Variants in SPECC1L observed in about 807,000 individuals in gnomAD.
SPECC1L encodes cytospin-A.
Under a neutral mutation model 116.8 loss-of-function variants are expected in SPECC1L, and 40 were observed. That is an observed-to-expected ratio of 0.34 (90% CI 0.27 to 0.45). SPECC1L has a LOEUF of 0.45. SPECC1L is among the 20% of genes least tolerant of loss of function. The pLI is 1.00. For missense variants in SPECC1L, 1,110 were observed against 1,373.6 expected (o/e 0.81, Z 3.03); for synonymous variants, 504 against 500.6 (o/e 1.01, Z -0.09).
rs375341134 is a variant in SPECC1L, at chr22:24,408,078, A to AAGTGAGTAC, written c.3088-3509_3088-3501dup. On this transcript the variant is annotated intron_variant, in intron 14 of 16. Transcript: ENST00000314328. ...CTGCTGCGGGTGGCTGTGAGAGTGAAAGTGAGTACTGCTCACAGGATGCCT... is the reference window on the plus strand; with the variant it reads ...CTGCTGCGGGTGGCTGTGAGAGTGAAAGTGAGTACAGTGAGTACTGCTCACAGGATGCCT... Among the ~76,000 whole-genome samples the AAGTGAGTAC allele has an allele frequency of 7.7e-3, 1,169 of 152,242 alleles. 14 individuals are homozygous for AAGTGAGTAC. The highest frequency in any genetic ancestry group is 0.026 in the African/African-American group (1,097 of 41,512).
rs866919184 is a variant in SPECC1L at position 24,311,171 on chromosome 22, T to G, written c.154-2142T>G. Among the ~76,000 whole-genome samples, 184 of 152,372 alleles carry G rather than the reference T, an allele frequency of 1.2e-3. 4 individuals carry two copies. Among genetic ancestry groups the G allele is most frequent in the Admixed American group, 0.012 (180 of 15,304 alleles). On this transcript the variant is annotated intron_variant, in intron 3 of 16. Transcript: ENST00000314328. ...CAAAGTTTATGATTTGGTGCCGTTATGTGTATTTAACTTTGTCATTAGCCA... is the reference window on the plus strand; with the variant it reads ...CAAAGTTTATGATTTGGTGCCGTTAGGTGTATTTAACTTTGTCATTAGCCA...
intron 2 of SPECC1L, among the ~76,000 whole-genome samples, chr22:24,293,471 G>A (rs867801578): frequency 1.3e-5 from 2 of 151,836 alleles, no homozygotes; most frequent in African/African-American, 4.8e-5. Flanking sequence ...AAATAAAAGG[G>A]GGGAAAAAGA....
chr22:24,339,337 A>AGGG lies in SPECC1L; in HGVS notation c.2652+862_2652+864dup, dbSNP rs1252428416. Among the ~76,000 whole-genome samples the AGGG allele has an allele frequency of 7.2e-5, 11 of 152,330 alleles. No homozygotes were observed. In the East Asian group the frequency reaches 2.1e-3, roughly 29 times the overall value. ...CAGGGCAGCTGCGATTCAGAGTGGA[A>AGGG]GGGGTGCACAAGGCATGAATTCAGA... On this transcript the variant is annotated intron_variant, in intron 10 of 16. Coordinates refer to ENST00000314328, the MANE Select transcript of SPECC1L (RefSeq NM_015330.6).
intron 14 of SPECC1L, among the ~76,000 whole-genome samples, chr22:24,371,924 TTGGCCAGGC>T (rs1387556374): frequency 1.3e-5 from 2 of 152,234 alleles, no homozygotes; most frequent in Non-Finnish European, 2.9e-5. Flanking sequence ...TTTCGCCATG[TTGGCCAGGC>T]TGGTCTTGAA....
chr22:24,285,854 C>A (rs1484560316), intron 2 of SPECC1L, among the ~76,000 whole-genome samples: 1 of 152,134 alleles, frequency 6.6e-6, no homozygotes, highest in Non-Finnish European at 1.5e-5. Context: ...GTTGGCCAGG[C>A]TAATCTTGAA....
intron 3 of SPECC1L, among the ~76,000 whole-genome samples, chr22:24,309,868 TTTTA>T (rs1486885123): frequency 6.6e-6 from 1 of 152,210 alleles, no homozygotes; most frequent in African/African-American, 2.4e-5. Flanking sequence ...TTTATTTAAA[TTTTA>T]TTTATTTGTT....
chr22:24,294,841 C>T (rs2049227705), intron 2 of SPECC1L, among the ~76,000 whole-genome samples: 2 of 152,294 alleles, frequency 1.3e-5, no homozygotes, highest in Non-Finnish European at 2.9e-5. Flanking sequence ...TCAGGATCCT[C>T]CCACAGTAGA....
chr22:24,354,041 A>G (rs2041477949), intron 11 of SPECC1L, among the ~76,000 whole-genome samples: 1 of 152,188 alleles, frequency 6.6e-6, no homozygotes, highest in South Asian at 2.1e-4. Flanking sequence ...GTGGAAGGCA[A>G]ATCAATAGCA....
chr22:24,308,551 C>G (rs2146426635), intron 3 of SPECC1L, among the ~76,000 whole-genome samples: 1 of 152,356 alleles, frequency 6.6e-6, no homozygotes, highest in Middle Eastern at 3.4e-3. Flanking sequence ...GGGATGTTAA[C>G]TTCCTTTGGC....
chr22:24,284,111 C>T (rs2048996975), intron 2 of SPECC1L, among the ~76,000 whole-genome samples: 1 of 152,000 alleles, frequency 6.6e-6, no homozygotes, highest in South Asian at 2.1e-4. Context: ...TTCTTTTCTT[C>T]TCCATACTTT....
rs544635200 is a variant in SPECC1L, at chr22:24,376,161, A to C, written c.3087+6841A>C. Among the ~76,000 whole-genome samples the C allele has an allele frequency of 2.6e-5, 4 of 152,278 alleles. No homozygotes were observed. In the East Asian group the frequency reaches 5.8e-4, roughly 22 times the overall value. On this transcript the variant is annotated intron_variant, in intron 14 of 16. Coordinates refer to ENST00000314328, the MANE Select transcript of SPECC1L (RefSeq NM_015330.6). ...GGCATCCAGATAGGAAAAAAAGTAA[A>C]ATGATCTCTATTTGCAGATGATGTG...
intron 6 of SPECC1L, among the ~76,000 whole-genome samples, chr22:24,327,584 C>T (rs574516515): frequency 5.3e-4 from 80 of 152,038 alleles, no homozygotes; most frequent in African/African-American, 1.6e-3. Context: ...TACCCAGAAA[C>T]ACTAATGTCT....
intron 10 of SPECC1L, among the ~76,000 whole-genome samples, chr22:24,346,404 G>A (rs2041296660): frequency 6.6e-6 from 1 of 152,230 alleles, no homozygotes; most frequent in South Asian, 2.1e-4. Context: ...AGGCTGTACT[G>A]GGCAGTTGTT....
chr22:24,409,802 A>G (rs1014773124), intron 14 of SPECC1L, among the ~76,000 whole-genome samples: 1 of 152,236 alleles, frequency 6.6e-6, no homozygotes, highest in Non-Finnish European at 1.5e-5. Flanking sequence ...CTGAGGTGAC[A>G]TCGCTTGAGC....
At chr22:24,371,976 C>T (rs1309686572) in intron 14 of SPECC1L, among the ~76,000 whole-genome samples, 3 of 152,188 alleles carry the variant, frequency 2.0e-5, no homozygotes, top group Admixed American at 6.5e-5. Context: ...CTGCCTCAGC[C>T]TCCGAAACTG....
intron 16 of SPECC1L, among the ~76,000 whole-genome samples, chr22:24,413,110 A>G (rs920790421): frequency 3.3e-5 from 5 of 152,214 alleles, no homozygotes; most frequent in African/African-American, 1.2e-4. Context: ...TGCCTTGTTC[A>G]TCTAGAGCGA....
chr22:24,390,873 T>TTTTTTTTTTTTTTTTTTTTTTTTTTC (rs2042255396), intron 14 of SPECC1L, among the ~76,000 whole-genome samples: 1 of 50,924 alleles, frequency 2.0e-5, no homozygotes, highest in African/African-American at 8.2e-5. Context: ...TTTTCTTTTC[T>TTTTTTTTTTTTTTTTTTTTTTTTTTC]TTTTTTTTTT....
chr22:24,345,275 C>A (rs1275672183), intron 10 of SPECC1L, among the ~76,000 whole-genome samples: 1 of 151,992 alleles, frequency 6.6e-6, no homozygotes, highest in Admixed American at 6.6e-5. Flanking sequence ...AAAAAAATAA[C>A]CTCAGCCCGT....
At chr22:24,302,722 C>T (rs573359742) in intron 3 of SPECC1L, among the ~76,000 whole-genome samples, 1 of 152,224 alleles carries the variant, frequency 6.6e-6, no homozygotes, top group Admixed American at 6.5e-5. Flanking sequence ...TGAAAATACC[C>T]AGGGAGAATG....
Sources: gnomAD v4.1 joint callset for allele counts (sites outside exome capture counted in the v4.1 genomes callset) on GRCh38, gnomAD v4.1.1 for gene constraint, MANE v1.5 for transcripts, NCBI Gene and HGNC (gene_info 2026-07-23, HGNC 2026-07-21) for gene names.